PRAMEF19: variants seen among roughly 807,000 people sequenced by gnomAD.
PRAMEF19 encodes the protein PRAME family member 19, also known as PRAME family member-like.
In PRAMEF19, 21 loss-of-function variants were observed where a neutral mutation model predicts 33.1. The observed-to-expected ratio is 0.63, with a 90% CI of 0.45 to 0.91. PRAMEF19 has a LOEUF of 0.91. Ranked by LOEUF, PRAMEF19 falls within the 40% of genes least tolerant of loss-of-function variation. PRAMEF19 has a pLI of 0.00. For synonymous variants in PRAMEF19, 179 were observed against 229.3 expected (o/e 0.78, Z 1.98); for missense variants, 481 against 585.2 (o/e 0.82, Z 1.84).
At position 13,369,164 on chromosome 1, in the gene PRAMEF19, T is replaced by A. The variant is rs1355940177; in HGVS notation, c.1343A>T (p.Asn448Ile). 2.5e-5 allele frequency: 41 copies of A among 1,611,850 alleles called. No homozygotes were observed. The Admixed American group carries it at 6.8e-4, about 27-fold the overall frequency. ...GGAGACGGGACCAAAGAAGATCCTG[T>A]TGGGCTCCCTTACTTCCCTCAGTAT... Residue 448 changes from asparagine to isoleucine, a missense_variant, in exon 3 of 3, where the codon AAC becomes ATC. Transcript: ENST00000376101.
At chr1:13,369,135 G>T (rs1475854030) in exon 3 of PRAMEF19, 277 of 1,611,946 alleles carry the variant, frequency 1.7e-4, no homozygotes, top group Non-Finnish European at 2.1e-4. Flanking sequence ...CCACAGCAAG[G>T]GCAGGAGACG....
In PRAMEF19 at chr1:13,370,647, A is replaced by G. The variant is rs1640658332; in HGVS notation, c.866+2T>C. The stretch of plus-strand genomic sequence containing the variant: ...CAGAGAAAGCTCACCATCTTTCCTC[A>G]CCTGATCAGCTGGTCCAGGTAGCCT... On this transcript the variant is annotated splice_donor_variant, in intron 2 of 2. Coordinates refer to ENST00000376101, the Ensembl canonical transcript of PRAMEF19. LOFTEE classifies it high-confidence loss of function. The G allele has an allele frequency of 1.2e-6, 2 of 1,613,940 alleles. No individual in the cohort carries two copies. The highest frequency in any genetic ancestry group is 1.7e-6 in the Non-Finnish European group (2 of 1,179,852).
chr1:13,369,754 C>T (rs1569833832), intron 2 of PRAMEF19, 114 bp from the exon 3 acceptor site: 4 of 1,419,600 alleles, frequency 2.8e-6, no homozygotes, highest in Non-Finnish European at 3.9e-6. Flanking sequence ...TTCTCATCAT[C>T]TAATCATGGT....
exon 1 of PRAMEF19, chr1:13,371,759 A>G (rs1175110892): frequency 0.9 from 1,357,820 of 1,506,964 alleles, 618,671 homozygotes; most frequent in Non-Finnish European, 0.92. Context: ...ACCTCGCAGC[A>G]TCTGCTAGTG....
exon 1 of PRAMEF19, chr1:13,371,617 G>T (rs1165549750): frequency 9.9e-6 from 16 of 1,610,686 alleles, no homozygotes; most frequent in Non-Finnish European, 1.4e-5. Flanking sequence ...ACCTCACCTG[G>T]GGCGAACCTT....
intron 2 of PRAMEF19, among the ~76,000 whole-genome samples, chr1:13,370,244 C>A (rs1478946116): frequency 4.6e-5 from 7 of 152,382 alleles, no homozygotes; most frequent in Non-Finnish European, 7.3e-5. Context: ...TTCTTTTACA[C>A]CCTCCCCTCT....
rs1640673282 is a variant in PRAMEF19 at position 13,371,609 on chromosome 1, C to A, written c.287+5G>T. The A allele has an allele frequency of 1.9e-6, 3 of 1,610,814 alleles. No homozygotes were observed. The South Asian group carries it at 3.3e-5, about 18-fold the overall frequency. ...CCTGGGCCCTCCCCACCTGGGTCAC[C>A]TCACCTGGGGCGAACCTTTTGGGCA... On this transcript the variant is annotated splice_donor_5th_base_variant and intron_variant, in intron 1 of 2. Coordinates refer to ENST00000376101, the Ensembl canonical transcript of PRAMEF19.
intron 2 of PRAMEF19, 96 bp from the exon 3 acceptor site, chr1:13,369,736 C>CAAGT: frequency 6.5e-7 from 1 of 1,526,870 alleles, no homozygotes; most frequent in Non-Finnish European, 9.0e-7. Context: ...TGCCCAAACA[C>CAAGT]AAGTTTGTTC....
chr1:13,370,973 C>A lies in PRAMEF19; in HGVS notation c.542G>T (p.Cys181Phe), dbSNP rs1435190028. The change falls in exon 2 of 3, where the codon TGC (cysteine) becomes TTC (phenylalanine). Residue 181 changes from cysteine (C) to phenylalanine (F), a missense_variant. This residue lies in a region of PRAMEF19 where 392 missense variants were observed against 397.5 expected (regional missense o/e 0.99). Transcript: ENST00000376101. ...TGAATAATTTACCACCTTAGTACAG[C>A]ACAGGTGTACTGAACGTCTTCTGTG... is the stretch of plus-strand genomic sequence containing the variant. The A allele has an allele frequency of 5.5e-4, 887 of 1,612,400 alleles. 6 individuals carry two copies. The African/African-American group carries it at 0.011, about 19-fold the overall frequency.
chr1:13,371,870 C>T, exon 1 of PRAMEF19: 2 of 1,611,914 alleles, frequency 1.2e-6, no homozygotes, highest in Non-Finnish European at 1.7e-6. Context: ...CCTGCCAGCT[C>T]CAGGAGTCTG....
downstream of PRAMEF19, chr1:13,368,938 C>A: frequency 1.4e-6 from 2 of 1,386,422 alleles, no homozygotes; most frequent in South Asian, 2.9e-5. Flanking sequence ...CATAGGGAAA[C>A]CCTGTCTCAA....
intron 2 of PRAMEF19, 82 bp from the exon 3 acceptor site, chr1:13,369,722 G>A: frequency 1.3e-6 from 2 of 1,584,890 alleles, no homozygotes; most frequent in South Asian, 1.1e-5. Flanking sequence ...GGAAGAGCCT[G>A]TTTTGCCCAA....
At chr1:13,371,912 T>G, upstream of PRAMEF19, 1 of 1,611,788 alleles carries the variant, frequency 6.2e-7, no homozygotes, top group Non-Finnish European at 8.5e-7. Flanking sequence ...CTGATAAATC[T>G]GCAAGAAAAA....
At chr1:13,371,572 A>C (rs1640672759) in intron 1 of PRAMEF19, 42 bp downstream of exon 1, 1 of 1,610,668 alleles carries the variant, frequency 6.2e-7, no homozygotes, top group African/African-American at 1.4e-5. Context: ...CCAGCTGCTT[A>C]GTCCCTGGAC....
rs2100383176 is a variant in PRAMEF19 at position 13,370,638 on chromosome 1, T to A, written c.866+11A>T. ...TGTGTCCCCCAGAGAAAGCTCACCA[T>A]CTTTCCTCACCTGATCAGCTGGTCC... On this transcript the variant is annotated intron_variant, in intron 2 of 2. Transcript: ENST00000376101. The A allele has an allele frequency of 5.6e-6, 9 of 1,613,818 alleles. No homozygotes were observed. Among genetic ancestry groups the A allele is most frequent in the Non-Finnish European group, 5.9e-6 (7 of 1,179,800 alleles).
At chr1:13,370,045 T>C (rs1640651882) in intron 2 of PRAMEF19, among the ~76,000 whole-genome samples, 1 of 152,182 alleles carries the variant, frequency 6.6e-6, no homozygotes. Context: ...CACCTGTCAC[T>C]TTGTACCACT....
downstream of PRAMEF19, among the ~76,000 whole-genome samples, chr1:13,368,613 G>T (rs1320233797): frequency 6.6e-6 from 1 of 152,066 alleles, no homozygotes; most frequent in Non-Finnish European, 1.5e-5. Context: ...TACTTCCGAC[G>T]TTTCTTTGTA....
At chr1:13,368,764 T>G (rs752155940), downstream of PRAMEF19, among the ~76,000 whole-genome samples, 6 of 152,116 alleles carry the variant, frequency 3.9e-5, no homozygotes, top group African/African-American at 7.2e-5. Context: ...TTTGTGTTTT[T>G]TTTCCCACTC....
exon 3 of PRAMEF19, chr1:13,369,509 C>T (rs200324415): frequency 1.8e-4 from 294 of 1,613,782 alleles, no homozygotes; most frequent in East Asian, 6.2e-4. Flanking sequence ...ACGGATGAAG[C>T]GCAGTGTACC....
Sources: allele counts gnomAD v4.1 joint callset (sites outside exome capture counted in the v4.1 genomes callset), GRCh38; gene constraint gnomAD v4.1.1; regional missense constraint gnomAD v4.1.1; transcripts MANE v1.5; gene names NCBI Gene and HGNC (gene_info 2026-07-23, HGNC 2026-07-21).